The following TIAM2 variants were observed in gnomAD, a reference collection of about 807,000 sequenced individuals.
The protein encoded by TIAM2 is TIAM Rac1 associated GEF 2, also known as rho guanine nucleotide exchange factor TIAM2.
A neutral mutation model predicts 152.9 loss-of-function variants in TIAM2; 80 were observed. That is an observed-to-expected ratio of 0.52 (90% CI 0.44 to 0.63). The LOEUF (loss-of-function observed/expected upper bound fraction) is 0.63, where lower values mean the gene tolerates loss of function less well. Among genes scored for constraint, TIAM2 ranks in the 30% least tolerant of loss-of-function variants. The probability of loss-of-function intolerance (pLI) is 0.00; values close to 1 mark genes in which losing one functional copy is unlikely to be tolerated. For missense variants in TIAM2, 1,965 were observed against 2,120.1 expected, an observed-to-expected ratio of 0.93 and a Z score of 1.44; for synonymous variants, 804 against 838.0, an observed-to-expected ratio of 0.96 and a Z score of 0.70.
At chr6:155,141,736 C>T (rs748155606) in intron 5 of TIAM2, among the ~76,000 whole-genome samples, 1 of 152,098 alleles carries the variant, frequency 6.6e-6, no homozygotes, top group Non-Finnish European at 1.5e-5. Flanking sequence ...TAGTCAGTGT[C>T]AGGGGAGGAG....
At chr6:155,160,216 C>T (rs929557454) in intron 7 of TIAM2, among the ~76,000 whole-genome samples, 3 of 151,864 alleles carry the variant, frequency 2.0e-5, no homozygotes, top group African/African-American at 7.3e-5. Flanking sequence ...CTGGTAGGCT[C>T]AAGATTGAGG....
At chr6:155,003,535 A>T (rs1008273960) in intron 1 of TIAM2, among the ~76,000 whole-genome samples, 1 of 152,156 alleles carries the variant, frequency 6.6e-6, no homozygotes, top group Admixed American at 6.5e-5. Context: ...GCCCCAGAGA[A>T]CAGAAAAGTC....
intron 2 of TIAM2, among the ~76,000 whole-genome samples, chr6:155,105,681 G>T (rs1171894685): frequency 6.6e-6 from 1 of 151,716 alleles, no homozygotes; most frequent in African/African-American, 2.4e-5. Flanking sequence ...GGTCTCCTAG[G>T]CTCAAGTGAT....
At chr6:155,140,713 A>G (rs982377845) in intron 5 of TIAM2, among the ~76,000 whole-genome samples, 3 of 152,138 alleles carry the variant, frequency 2.0e-5, no homozygotes, top group African/African-American at 7.2e-5. Context: ...GATATTTAGC[A>G]TGGAGAAAAT....
intron 14 of TIAM2, among the ~76,000 whole-genome samples, chr6:155,201,815 A>T (rs763707056): frequency 6.6e-6 from 1 of 152,182 alleles, no homozygotes; most frequent in Non-Finnish European, 1.5e-5. Flanking sequence ...AGAAACATTT[A>T]CTACCAGCAT....
rs1216505409 is a variant in TIAM2 at position 155,256,202 on chromosome 6, T to A, written c.4469-282T>A. 3 of 565,546 alleles carry A rather than the reference T, an allele frequency of 5.3e-6. No individual in the cohort carries two copies. The African/African-American group carries it at 5.7e-5, about 11-fold the overall frequency. 35.0% of individuals were successfully genotyped at this position (565,546 alleles called of 1,614,324 possible). A position where few individuals can be genotyped will look rare whatever the true frequency, so the allele number is the denominator to read the frequency against. ...AACTTACTCCTTGGCAAAATAAGAA[T>A]CTTAGCCCATGTAGTAGTTTCTAGT... is the stretch of plus-strand genomic sequence containing the variant. On this transcript the variant is annotated intron_variant, in intron 26 of 26. Coordinates refer to ENST00000682666, the MANE Select transcript of TIAM2 (RefSeq NM_012454.4).
intron 1 of TIAM2, chr6:155,005,025 A>G: frequency 1.9e-6 from 1 of 525,546 alleles, no homozygotes; most frequent in Non-Finnish European, 3.0e-6. Flanking sequence ...GAAGGCAGTC[A>G]TGGAGTAACC....
At chr6:155,057,930 C>T (rs561008181) in intron 1 of TIAM2, among the ~76,000 whole-genome samples, 2 of 152,244 alleles carry the variant, frequency 1.3e-5, no homozygotes, top group East Asian at 3.9e-4. Context: ...TGTCTGTTCT[C>T]CATTTACTTA....
At chr6:155,249,764 T>C (rs1783540186) in intron 20 of TIAM2, 87 bp from the exon 21 acceptor site, 6 of 1,156,638 alleles carry the variant, frequency 5.2e-6, no homozygotes, top group Non-Finnish European at 7.4e-6. Context: ...AATCCTGAGT[T>C]GAATCTTGAC....
chr6:155,138,559 A>G (rs990356769), intron 5 of TIAM2, among the ~76,000 whole-genome samples: 1 of 152,006 alleles, frequency 6.6e-6, no homozygotes, highest in Admixed American at 6.6e-5. Context: ...TACATTAGGT[A>G]TATCTCCTAA....
chr6:155,166,321 CTTTTTTTTTTTTCTT>C lies in TIAM2; in HGVS notation c.2361+918_2361+932del, dbSNP rs1180918462. ...CAACACTTTCTTTTTCTTTTCTTCT[CTTTTTTTTTTTTCTT>C]TTTTTGAGATGGAGTCTTGCTCTGT... is the stretch of plus-strand genomic sequence containing the variant. On this transcript the variant is annotated intron_variant, in intron 9 of 26. Coordinates refer to ENST00000682666, the MANE Select transcript of TIAM2 (RefSeq NM_012454.4). Among the ~76,000 whole-genome samples the C allele has an allele frequency of 2.8e-5, 4 of 144,028 alleles. No homozygotes were observed. The East Asian group carries it at 7.9e-4, about 29-fold the overall frequency. The allele number at this position is 144,028 out of a possible 152,430, so 94.5% of individuals were successfully genotyped here. A position where few individuals can be genotyped will look rare whatever the true frequency, so the allele number is the denominator to read the frequency against.
intron 9 of TIAM2, among the ~76,000 whole-genome samples, chr6:155,171,777 G>A (rs1780593007): frequency 2.0e-5 from 3 of 152,162 alleles, no homozygotes; most frequent in South Asian, 2.1e-4. Context: ...CAACCGATGT[G>A]TGGGCCTCAG....
intron 14 of TIAM2, among the ~76,000 whole-genome samples, chr6:155,197,727 C>G (rs565162936): frequency 6.6e-6 from 1 of 152,074 alleles, no homozygotes; most frequent in East Asian, 1.9e-4. Flanking sequence ...GAAGGGCCGA[C>G]CAAAAGGGGG....
intron 15 of TIAM2, among the ~76,000 whole-genome samples, chr6:155,223,532 T>TC (rs1287010816): frequency 6.6e-6 from 1 of 150,956 alleles, no homozygotes; most frequent in Non-Finnish European, 1.5e-5. Context: ...TTTTTCTTTT[T>TC]TTTTTTTTTT....
chr6:155,138,137 G>A (rs1305323738), intron 5 of TIAM2, among the ~76,000 whole-genome samples: 2 of 152,072 alleles, frequency 1.3e-5, no homozygotes, highest in African/African-American at 2.4e-5. Context: ...CACTGCACCC[G>A]GCCTATTATA....
intron 7 of TIAM2, among the ~76,000 whole-genome samples, chr6:155,151,386 C>A (rs577315878): frequency 6.6e-6 from 1 of 152,342 alleles, no homozygotes; most frequent in East Asian, 1.9e-4. Context: ...CACTTACAAA[C>A]TAACTGTGAT....
intron 1 of TIAM2, among the ~76,000 whole-genome samples, chr6:155,034,611 C>T (rs1776889295): frequency 6.6e-6 from 1 of 152,138 alleles, no homozygotes; most frequent in Non-Finnish European, 1.5e-5. Flanking sequence ...TGCTGCCTTC[C>T]TGCAACTGAG....
At chr6:155,009,091 CTTTTTTTTT>C (rs61651734) in intron 1 of TIAM2, among the ~76,000 whole-genome samples, 52 of 61,466 alleles carry the variant, frequency 8.5e-4, no homozygotes, top group African/African-American at 1.8e-3. Flanking sequence ...CTCAGAAGAT[CTTTTTTTTT>C]TTTTTTTTTT....
At chr6:155,184,020 ACT>A (rs1273847511) in intron 14 of TIAM2, among the ~76,000 whole-genome samples, 1 of 151,714 alleles carries the variant, frequency 6.6e-6, no homozygotes, top group African/African-American at 2.4e-5. Context: ...ACAGAGTCTC[ACT>A]CTGTCACCCA....
Sources: gnomAD v4.1 joint callset for allele counts (sites outside exome capture counted in the v4.1 genomes callset) on GRCh38, gnomAD v4.1.1 for gene constraint, MANE v1.5 for transcripts, NCBI Gene and HGNC (gene_info 2026-07-23, HGNC 2026-07-21) for gene names.